Variants in ARHGEF10L observed in about 807,000 individuals in gnomAD.
ARHGEF10L encodes the protein rho guanine nucleotide exchange factor 10-like protein.
In ARHGEF10L, 69 loss-of-function variants were observed where a neutral mutation model predicts 141.2. The ratio of observed to expected loss-of-function variants is 0.49; its 90% CI spans 0.40 to 0.60. The LOEUF is 0.60. Among genes scored for constraint, ARHGEF10L ranks in the 20% least tolerant of loss-of-function variants. The pLI, the probability that ARHGEF10L is intolerant of heterozygous loss-of-function variation, is 0.00. For missense variants in ARHGEF10L, 1,482 were observed against 1,734.3 expected, an observed-to-expected ratio of 0.85 and a Z score of 2.58; for synonymous variants, 711 against 718.5, an observed-to-expected ratio of 0.99 and a Z score of 0.17.
chr1:17,515,579 C>G, the ARHGEF10L span, among the ~76,000 whole-genome samples: 1 of 152,110 alleles, frequency 6.6e-6, no homozygotes, highest in Non-Finnish European at 1.5e-5. Context: ...GGATTACAGG[C>G]TGAAGCCACT....
At chr1:17,529,896 G>T in the ARHGEF10L span, among the ~76,000 whole-genome samples, 1 of 140,598 alleles carries the variant, frequency 7.1e-6, no homozygotes, top group Non-Finnish European at 1.5e-5. Flanking sequence ...GCAGTGTGAC[G>T]ATCTCGGCTC....
chr1:17,538,062 T>C (rs1557680092), upstream of ARHGEF10L, among the ~76,000 whole-genome samples: 1 of 151,318 alleles, frequency 6.6e-6, no homozygotes, highest in Non-Finnish European at 1.5e-5. Flanking sequence ...AGACCCAGTC[T>C]CTTAAAAAAA....
At position 17,607,629 on chromosome 1, in the gene ARHGEF10L, A is replaced by G. The variant is rs902750123; in HGVS notation, c.434-173A>G. ...CCCTCCTTGCCCTACGAGGGGGAAAATGTATTATCATCTTCGTTTCATGGT... is the reference window on the plus strand; with the variant it reads ...CCCTCCTTGCCCTACGAGGGGGAAAGTGTATTATCATCTTCGTTTCATGGT... On this transcript the variant is annotated intron_variant, in intron 6 of 28. Coordinates refer to ENST00000361221, the MANE Select transcript of ARHGEF10L (RefSeq NM_018125.4). This position sits in a 1 kb window ranked among gnomAD's most constrained non-coding sequence, Gnocchi z 4.5. Among the ~76,000 whole-genome samples the G allele has an allele frequency of 7.9e-5, 12 of 152,252 alleles. No individual in the cohort carries two copies. Among genetic ancestry groups the G allele is most frequent in the African/African-American group, 2.9e-4 (12 of 41,550 alleles).
chr1:17,670,150 G>A (rs892016176), intron 26 of ARHGEF10L, among the ~76,000 whole-genome samples: 1 of 152,272 alleles, frequency 6.6e-6, no homozygotes, highest in African/African-American at 2.4e-5. Flanking sequence ...TCCAAGGGTG[G>A]GGCGCCTGAG....
intron 9 of ARHGEF10L, among the ~76,000 whole-genome samples, chr1:17,616,673 C>T (rs540381883): frequency 1.1e-4 from 17 of 152,326 alleles, no homozygotes; most frequent in South Asian, 4.1e-4. Context: ...TGGCACAGCG[C>T]GGGAGACAGG....
chr1:17,547,638 G>A (rs549659874), intron 1 of ARHGEF10L, among the ~76,000 whole-genome samples: 84 of 152,204 alleles, frequency 5.5e-4, no homozygotes, highest in African/African-American at 2.0e-3. Context: ...ACAGTCTCCC[G>A]AAATTGAAGA....
chr1:17,531,251 A>C, the ARHGEF10L span, among the ~76,000 whole-genome samples: 1 of 152,090 alleles, frequency 6.6e-6, no homozygotes, highest in Admixed American at 6.6e-5. Flanking sequence ...GGCAGAGGGA[A>C]GGGGCTCCGG....
At chr1:17,663,611 G>A (rs1169465112) in intron 25 of ARHGEF10L, among the ~76,000 whole-genome samples, 1 of 151,822 alleles carries the variant, frequency 6.6e-6, no homozygotes, top group Non-Finnish European at 1.5e-5. Flanking sequence ...CAGCAGTGGT[G>A]TTTCTGGAAG....
At chr1:17,516,551 G>A in the ARHGEF10L span, among the ~76,000 whole-genome samples, 9 of 152,182 alleles carry the variant, frequency 5.9e-5, no homozygotes, top group Non-Finnish European at 8.8e-5. Context: ...TGCTGCTGCC[G>A]TGGGAGTGGA....
intron 14 of ARHGEF10L, among the ~76,000 whole-genome samples, chr1:17,626,594 T>TA (rs934655191): frequency 9.2e-5 from 14 of 152,210 alleles, no homozygotes; most frequent in Non-Finnish European, 1.3e-4. Flanking sequence ...AGTGGGCTCT[T>TA]ATGTAACCAT....
At chr1:17,524,366 CACACACACACACA>C in the ARHGEF10L span, among the ~76,000 whole-genome samples, 2 of 37,682 alleles carry the variant, frequency 5.3e-5, no homozygotes, top group Admixed American at 1.8e-4. Flanking sequence ...CCCGTCTCTA[CACACACACACACA>C]CACACACACA....
the ARHGEF10L span, among the ~76,000 whole-genome samples, chr1:17,521,328 C>T: frequency 2.0e-5 from 3 of 152,336 alleles, no homozygotes; most frequent in East Asian, 5.8e-4. Flanking sequence ...TCCCGAGTAG[C>T]TGGGATTACA....
chr1:17,687,595 A>C lies in ARHGEF10L; in HGVS notation c.3032A>C (p.Asp1011Ala). 6.2e-7 allele frequency: 1 copy of C among 1,613,150 alleles called. No individual in the cohort carries two copies. The highest frequency in any genetic ancestry group is 1.1e-5 in the South Asian group (1 of 91,088). Residue 1011 changes from aspartate to alanine, a missense_variant, in exon 27 of 29, where the codon GAC becomes GCC. Asp to Ala is a moderately radical substitution (Grantham distance 126). Coordinates refer to ENST00000361221, the MANE Select transcript of ARHGEF10L (RefSeq NM_018125.4). Reference sequence around the variant, plus strand: ...CAGCAAAGCTTCGAGGCGCACCAGGACGAGGCAGTGAGCGTGACACACATG... The same window carrying C: ...CAGCAAAGCTTCGAGGCGCACCAGGCCGAGGCAGTGAGCGTGACACACATG... ...QPQQSFEAHQ[D>A]EAVSVTHMVK... is the part of the protein sequence containing the mutation.
chr1:17,650,713 A>G (rs141597639), intron 22 of ARHGEF10L, among the ~76,000 whole-genome samples: 3,333 of 148,942 alleles, frequency 0.022, 137 homozygotes, highest in African/African-American at 0.079. Flanking sequence ...AGCCTGGGTG[A>G]CAGAGTAAGA....
chr1:17,537,947 C>T (rs957262411), upstream of ARHGEF10L, among the ~76,000 whole-genome samples: 6 of 151,954 alleles, frequency 3.9e-5, no homozygotes, highest in Non-Finnish European at 7.4e-5. Context: ...CCACCATGCC[C>T]GCACCTGTAG....
the ARHGEF10L span, among the ~76,000 whole-genome samples, chr1:17,519,188 C>T: frequency 1.3e-5 from 2 of 149,760 alleles, no homozygotes; most frequent in Non-Finnish European, 3.0e-5. Flanking sequence ...AAAAAAAAGG[C>T]ATCAGCATAA....
Position 17,625,936 on chromosome 1 carries a change from C to A in ARHGEF10L, c.1318-20C>A. 3 of 1,611,422 alleles carry A rather than the reference C, an allele frequency of 1.9e-6. No individual in the cohort carries two copies. The highest frequency in any genetic ancestry group is 2.5e-6 in the Non-Finnish European group (3 of 1,177,904). ...CTCTCTGCAGGGGGTCAGCGAATGA[C>A]GGAACCTTGTCTCCACCAGCGACGG... On this transcript the variant is annotated intron_variant, in intron 13 of 28. Transcript: ENST00000361221. This position sits in a 1 kb window ranked among gnomAD's most constrained non-coding sequence, Gnocchi z 4.5.
intron 26 of ARHGEF10L, among the ~76,000 whole-genome samples, chr1:17,668,979 G>T (rs1390830857): frequency 2.6e-5 from 4 of 152,172 alleles, no homozygotes; most frequent in Admixed American, 6.5e-5. Flanking sequence ...AGGCCTGGGG[G>T]AGCCGCCTGG....
At chr1:17,582,297 C>A (rs1388052618) in intron 2 of ARHGEF10L, among the ~76,000 whole-genome samples, 2 of 152,028 alleles carry the variant, frequency 1.3e-5, no homozygotes, top group Non-Finnish European at 2.9e-5. Flanking sequence ...TGAACCTGAA[C>A]ATGGGGAGTG....
Sources: allele counts gnomAD v4.1 joint callset (sites outside exome capture counted in the v4.1 genomes callset), GRCh38; gene constraint gnomAD v4.1.1; non-coding constraint Gnocchi (gnomAD v3.1); transcripts MANE v1.5; gene names NCBI Gene and HGNC (gene_info 2026-07-23, HGNC 2026-07-21).